The following LRRIQ3 variants were observed in gnomAD, a reference collection of about 807,000 sequenced individuals.
LRRIQ3 encodes the protein leucine rich repeats and IQ motif containing 3.
In LRRIQ3, 75 loss-of-function variants were observed where a neutral mutation model predicts 59.3. The observed-to-expected ratio is 1.26, with a 90% CI of 1.05 to 1.53. The LOEUF (loss-of-function observed/expected upper bound fraction) is 1.53. Among genes scored for constraint, LRRIQ3 ranks in the 40% most tolerant of loss-of-function variants. The pLI is 0.00. For missense variants in LRRIQ3, 831 were observed against 710.0 expected (o/e 1.17, Z -1.94); for synonymous variants, 250 against 231.3 (o/e 1.08, Z -0.73).
chr1:74,080,834 C>T (rs534080738), intron 5 of LRRIQ3, among the ~76,000 whole-genome samples: 2 of 151,544 alleles, frequency 1.3e-5, no homozygotes, highest in South Asian at 2.1e-4. Flanking sequence ...GGGAGGTTAA[C>T]GTGTACAGCA....
At chr1:74,039,116 G>A (rs749850712) in intron 7 of LRRIQ3, among the ~76,000 whole-genome samples, 9 of 152,132 alleles carry the variant, frequency 5.9e-5, no homozygotes, top group Non-Finnish European at 1.0e-4. Context: ...AGAATAACCA[G>A]TTTAGAGAGG....
chr1:74,178,070 T>C (rs1649756602), intron 3 of LRRIQ3, among the ~76,000 whole-genome samples: 1 of 151,964 alleles, frequency 6.6e-6, no homozygotes, highest in Non-Finnish European at 1.5e-5. Flanking sequence ...CATTTAATGC[T>C]TTATATACTG....
At chr1:74,168,682 G>T (rs1649144018) in intron 3 of LRRIQ3, among the ~76,000 whole-genome samples, 1 of 151,402 alleles carries the variant, frequency 6.6e-6, no homozygotes, top group Non-Finnish European at 1.5e-5. Flanking sequence ...TTCTTCTCTT[G>T]ATTTCCTATG....
At chr1:74,132,438 G>A (rs1647039892) in intron 4 of LRRIQ3, among the ~76,000 whole-genome samples, 3 of 152,148 alleles carry the variant, frequency 2.0e-5, no homozygotes, top group Admixed American at 2.0e-4. Context: ...CAAAGCTGGA[G>A]GCGTCGTGCT....
intron 1 of LRRIQ3, among the ~76,000 whole-genome samples, chr1:74,190,808 A>T (rs1238897319): frequency 6.6e-6 from 1 of 152,186 alleles, no homozygotes; most frequent in Non-Finnish European, 1.5e-5. Context: ...AAAGGATCAC[A>T]GATAATAACG....
Position 74,198,087 on chromosome 1 carries a change from T to A in LRRIQ3, c.-92A>T, listed in dbSNP as rs1651351352. The A allele has an allele frequency of 3.0e-5, 38 of 1,263,630 alleles. No individual in the cohort carries two copies. Among genetic ancestry groups the A allele is most frequent in the Non-Finnish European group, 3.9e-5 (37 of 947,020 alleles). The allele number at this position is 1,263,630 out of a possible 1,614,324, so 78.3% of individuals were successfully genotyped here. A position where few individuals can be genotyped will look rare whatever the true frequency, so the allele number is the denominator to read the frequency against. On this transcript the variant is annotated 5_prime_UTR_variant, in exon 1 of 8. Transcript: ENST00000354431. ...AAATCGCTGGGCGGCCATCTGCTCCTGAGACCGTTGCTAGAGAAACAAGAC... is the reference window on the plus strand; with the variant it reads ...AAATCGCTGGGCGGCCATCTGCTCCAGAGACCGTTGCTAGAGAAACAAGAC...
intron 3 of LRRIQ3, among the ~76,000 whole-genome samples, chr1:74,156,838 T>G (rs1170034290): frequency 6.6e-6 from 1 of 152,030 alleles, no homozygotes. Flanking sequence ...TATATTTCAT[T>G]GACAACTTGA....
Position 74,026,892 on chromosome 1 carries a change from C to A in LRRIQ3, c.1796G>T (p.Arg599Ile). Residue 599 changes from arginine (R) to isoleucine (I), a missense_variant, in exon 8 of 8, where the codon AGA becomes ATA. Coordinates refer to ENST00000354431, the MANE Select transcript of LRRIQ3 (RefSeq NM_001105659.2). ...TACTTTTGTTTTAGCATCTTGAAGT[C>A]TTTCACAGGCTTTTTCAAAGGCAAT... is the stretch of plus-strand genomic sequence containing the variant. ...DMIAFEKACERLQDAKTKVAI... is the reference protein window; with the variant it reads ...DMIAFEKACEILQDAKTKVAI... 1.2e-6 allele frequency: 2 copies of A among 1,605,784 alleles called. No homozygotes were observed. The highest frequency in any genetic ancestry group is 1.7e-6 in the Non-Finnish European group (2 of 1,175,358).
At chr1:74,182,023 T>C (rs1035152038) in intron 3 of LRRIQ3, 2 of 151,860 alleles carry the variant, frequency 1.3e-5, no homozygotes, top group Admixed American at 6.6e-5. Flanking sequence ...TAAAGAACGT[T>C]TCCTTATGTT....
intron 5 of LRRIQ3, among the ~76,000 whole-genome samples, chr1:74,092,843 A>AAATAAGACTT (rs1409763717): frequency 6.6e-6 from 1 of 152,040 alleles, no homozygotes; most frequent in Non-Finnish European, 1.5e-5. Context: ...TTCAAAGTAG[A>AAATAAGACTT]AATAAGACTT....
chr1:74,158,548 C>T, intron 3 of LRRIQ3, among the ~76,000 whole-genome samples: 2 of 152,244 alleles, frequency 1.3e-5, no homozygotes, highest in Middle Eastern at 6.8e-3. Context: ...CCCAAGAAGA[C>T]TTTCTTGATG....
chr1:74,041,262 T>A lies in LRRIQ3; in HGVS notation c.1669A>T (p.Lys557Ter). ...AAATTCTTTCTATATTTTTCTGCTT[T>A]TAGTTTTTGCTTAACAATCAGGCTT... Reference protein sequence around the residue: ...EKSLIVKQKLKAEKYRKNLLK... With the variant: ...EKSLIVKQKL The change falls in exon 7 of 8, where the codon AAA (lysine) becomes TAA (stop). Residue 557 changes from lysine (K) to a stop codon, truncating the protein, a stop_gained. Coordinates refer to ENST00000354431, the MANE Select transcript of LRRIQ3 (RefSeq NM_001105659.2). LOFTEE classifies it low-confidence loss of function (END_TRUNC). 1 of 1,595,370 alleles carries A rather than the reference T, an allele frequency of 6.3e-7. No homozygotes were observed. The highest frequency in any genetic ancestry group is 8.5e-7 in the Non-Finnish European group (1 of 1,174,952).
chr1:74,159,501 T>C (rs1174389571), intron 3 of LRRIQ3, among the ~76,000 whole-genome samples: 1 of 152,120 alleles, frequency 6.6e-6, no homozygotes, highest in East Asian at 1.9e-4. Flanking sequence ...TTATTTTGCA[T>C]GGCTACAAAG....
chr1:74,096,930 C>T (rs539327168), intron 5 of LRRIQ3, among the ~76,000 whole-genome samples: 9 of 152,184 alleles, frequency 5.9e-5, no homozygotes, highest in East Asian at 3.9e-4. Context: ...GAGGGGTACC[C>T]GGCTGTGTGG....
At position 74,198,015 on chromosome 1, in the gene LRRIQ3, G is replaced by A. The variant is rs541806703; in HGVS notation, c.-20C>T. On this transcript the variant is annotated 5_prime_UTR_variant, in exon 1 of 8. Transcript: ENST00000354431. Reference sequence around the variant, plus strand: ...ACTCACCGGGTCAACTGGGCTGCAAGCCCTTATGAGTTGGAGACAAGTGGC... The same window carrying A: ...ACTCACCGGGTCAACTGGGCTGCAAACCCTTATGAGTTGGAGACAAGTGGC... 211 of 607,518 alleles carry A rather than the reference G, an allele frequency of 3.5e-4. No homozygotes were observed. The South Asian group carries it at 6.0e-3, about 17-fold the overall frequency. The allele number at this position is 607,518 out of a possible 1,614,324, so 37.6% of individuals were successfully genotyped here.
intron 5 of LRRIQ3, among the ~76,000 whole-genome samples, chr1:74,101,337 T>C (rs1054372842): frequency 6.6e-6 from 1 of 152,004 alleles, no homozygotes; most frequent in African/African-American, 2.4e-5. Flanking sequence ...ATCAGAGAAA[T>C]GCAAATAAAA....
chr1:74,132,300 A>G (rs1234410861), intron 4 of LRRIQ3, among the ~76,000 whole-genome samples: 1 of 152,190 alleles, frequency 6.6e-6, no homozygotes, highest in Non-Finnish European at 1.5e-5. Flanking sequence ...CATATTGCCC[A>G]AGGTAATTTA....
intron 4 of LRRIQ3, among the ~76,000 whole-genome samples, chr1:74,137,254 C>T (rs1647138677): frequency 6.6e-6 from 1 of 151,784 alleles, no homozygotes; most frequent in South Asian, 2.1e-4. Context: ...TTTTACATAA[C>T]CAACATCTTT....
chr1:74,158,043 C>A (rs917494711), intron 3 of LRRIQ3, among the ~76,000 whole-genome samples: 1 of 152,122 alleles, frequency 6.6e-6, no homozygotes, highest in African/African-American at 2.4e-5. Context: ...ATCCTAGGTT[C>A]TCTCTTTTTT....
Sources: allele counts gnomAD v4.1 joint callset (sites outside exome capture counted in the v4.1 genomes callset), GRCh38; gene constraint gnomAD v4.1.1; transcripts MANE v1.5; gene names NCBI Gene and HGNC (gene_info 2026-07-23, HGNC 2026-07-21).